CFAP299: variants seen among roughly 807,000 people sequenced by gnomAD.
CFAP299 encodes cilia and flagella associated protein 299.
In CFAP299, 21 loss-of-function variants were observed where a neutral mutation model predicts 27.0. The ratio of observed to expected loss-of-function variants is 0.78; its 90% CI spans 0.55 to 1.12. CFAP299 has a LOEUF of 1.12. CFAP299 is among the 50% of genes most tolerant of loss of function. The pLI is 0.00. For synonymous variants in CFAP299, 104 were observed against 98.1 expected, an observed-to-expected ratio of 1.06 and a Z score of -0.36; for missense variants, 310 against 276.6, an observed-to-expected ratio of 1.12 and a Z score of -0.86.
Position 80,570,015 on chromosome 4 carries a change from T to C in CFAP299, c.243-13078T>C, listed in dbSNP as rs556301534. On this transcript the variant is annotated intron_variant, in intron 2 of 5. Coordinates refer to ENST00000358105, the MANE Select transcript of CFAP299 (RefSeq NM_152770.3). ...TTTGAAAAAGAAAGGATAAGAGTTCTTTTTTTGACATCAACATTTATCATA... is the reference window on the plus strand; with the variant it reads ...TTTGAAAAAGAAAGGATAAGAGTTCCTTTTTTGACATCAACATTTATCATA... Among the ~76,000 whole-genome samples, 3 of 152,102 alleles carry C rather than the reference T, an allele frequency of 2.0e-5. No individual in the cohort carries two copies. The South Asian group carries it at 6.2e-4, about 32-fold the overall frequency.
At chr4:80,713,530 A>G (rs1722297303) in intron 3 of CFAP299, among the ~76,000 whole-genome samples, 1 of 152,240 alleles carries the variant, frequency 6.6e-6, no homozygotes, top group South Asian at 2.1e-4. Context: ...CAGTAATATC[A>G]GTGGCAACAT....
chr4:80,602,358 G>A (rs1030800898), intron 3 of CFAP299, among the ~76,000 whole-genome samples: 15 of 152,048 alleles, frequency 9.9e-5, no homozygotes, highest in African/African-American at 3.4e-4. Context: ...GCTTATCCTC[G>A]TGGCTCTAAC....
At chr4:80,328,506 G>A in the CFAP299 span, among the ~76,000 whole-genome samples, 1 of 150,668 alleles carries the variant, frequency 6.6e-6, no homozygotes, top group East Asian at 2.0e-4. Flanking sequence ...TGTGTGGGTA[G>A]GTAGGGGTGG....
At chr4:80,711,329 A>G (rs1175982331) in intron 3 of CFAP299, among the ~76,000 whole-genome samples, 1 of 152,014 alleles carries the variant, frequency 6.6e-6, no homozygotes, top group African/African-American at 2.4e-5. Context: ...GGAGCCACAG[A>G]GCTGGAGCAG....
chr4:80,845,280 T>TTG (rs1731116033), intron 3 of CFAP299, among the ~76,000 whole-genome samples: 1 of 92,136 alleles, frequency 1.1e-5, no homozygotes, highest in Non-Finnish European at 2.1e-5. Flanking sequence ...TCCCACACTG[T>TTG]TTTTTTTTTT....
At chr4:80,594,086 A>G (rs990982691) in intron 3 of CFAP299, among the ~76,000 whole-genome samples, 4 of 152,154 alleles carry the variant, frequency 2.6e-5, no homozygotes, top group African/African-American at 4.8e-5. Context: ...AGATCTTACT[A>G]TTTACACATG....
intron 3 of CFAP299, among the ~76,000 whole-genome samples, chr4:80,813,699 T>C (rs1419652859): frequency 6.6e-6 from 1 of 151,922 alleles, no homozygotes; most frequent in African/African-American, 2.4e-5. Flanking sequence ...AAATTTTGGG[T>C]GAGGAAATTA....
At chr4:80,641,547 G>T (rs576817562) in intron 3 of CFAP299, among the ~76,000 whole-genome samples, 1 of 152,252 alleles carries the variant, frequency 6.6e-6, no homozygotes, top group South Asian at 2.1e-4. Flanking sequence ...TTTAGCTGAA[G>T]ATTGCCCTAC....
chr4:80,382,214 C>T lies in CFAP299; in HGVS notation c.242+19330C>T, dbSNP rs140099404. Among the ~76,000 whole-genome samples, 115 of 152,238 alleles carry T rather than the reference C, an allele frequency of 7.6e-4. No homozygotes were observed. In the Middle Eastern group the frequency reaches 0.01, roughly 14 times the overall value. The stretch of plus-strand genomic sequence containing the variant: ...CAAAAACTATAAAAACTCTGGAAGA[C>T]AACCTAGGCAATACCATTCTGGACA... On this transcript the variant is annotated intron_variant, in intron 2 of 5. Transcript: ENST00000358105.
At chr4:80,793,610 T>C (rs1326616209) in intron 3 of CFAP299, among the ~76,000 whole-genome samples, 1 of 152,118 alleles carries the variant, frequency 6.6e-6, no homozygotes, top group Non-Finnish European at 1.5e-5. Context: ...TCATCTAACA[T>C]AGTACAACTA....
intron 2 of CFAP299, among the ~76,000 whole-genome samples, chr4:80,531,527 T>C (rs1417637358): frequency 6.6e-6 from 1 of 152,154 alleles, no homozygotes; most frequent in African/African-American, 2.4e-5. Context: ...TAAATTTCCA[T>C]CTTTTATTAT....
chr4:80,756,251 TTGAC>T (rs1423617853), intron 3 of CFAP299, among the ~76,000 whole-genome samples: 6 of 152,150 alleles, frequency 3.9e-5, no homozygotes, highest in African/African-American at 1.4e-4. Context: ...GTTTAGATGT[TTGAC>T]TGGTTACCTT....
chr4:80,587,085 T>G (rs865931908), intron 3 of CFAP299, among the ~76,000 whole-genome samples: 6 of 152,212 alleles, frequency 3.9e-5, no homozygotes, highest in African/African-American at 1.4e-4. Flanking sequence ...TGTGCTGACA[T>G]GATCTTTTCC....
chr4:80,751,297 G>T (rs1724916056), intron 3 of CFAP299, among the ~76,000 whole-genome samples: 1 of 152,162 alleles, frequency 6.6e-6, no homozygotes, highest in African/African-American at 2.4e-5. Context: ...CAGTCAGGAG[G>T]AATGGGATCA....
intron 3 of CFAP299, among the ~76,000 whole-genome samples, chr4:80,756,323 C>T (rs1461500994): frequency 6.6e-6 from 1 of 151,670 alleles, no homozygotes; most frequent in East Asian, 1.9e-4. Flanking sequence ...TTTTTCTTTC[C>T]CTAAGCATGA....
intron 3 of CFAP299, among the ~76,000 whole-genome samples, chr4:80,799,204 A>T (rs191230518): frequency 3.6e-5 from 4 of 109,798 alleles, no homozygotes; most frequent in Non-Finnish European, 5.3e-5. Flanking sequence ...TATAATATTT[A>T]TATATATATT....
intron 3 of CFAP299, among the ~76,000 whole-genome samples, chr4:80,801,860 A>C (rs993403502): frequency 7.9e-5 from 12 of 152,142 alleles, no homozygotes; most frequent in Non-Finnish European, 1.5e-4. Flanking sequence ...CTGCTTTCTC[A>C]CATTCAAGCT....
intron 3 of CFAP299, among the ~76,000 whole-genome samples, chr4:80,800,119 T>A (rs1248125317): frequency 2.0e-3 from 133 of 66,166 alleles, no homozygotes; most frequent in African/African-American, 8.6e-3. Flanking sequence ...ATATATAAGA[T>A]ATTAATATAA....
rs1733570946 is a variant in CFAP299 at position 80,879,266 on chromosome 4, CCCTA to C, written c.476+9132_476+9135del. Among the ~76,000 whole-genome samples, 12 of 152,152 alleles carry C rather than the reference CCCTA, an allele frequency of 7.9e-5. No homozygotes were observed. In the South Asian group the frequency reaches 2.5e-3, roughly 32 times the overall value. ...GGTCCAACATTAGCAACTTCAGTAG[CCCTA>C]TAAGTCTAGTGATAATTGGAAATCT... On this transcript the variant is annotated intron_variant, in intron 4 of 5. Coordinates refer to ENST00000358105, the MANE Select transcript of CFAP299 (RefSeq NM_152770.3).
Sources: allele counts gnomAD v4.1 joint callset (sites outside exome capture counted in the v4.1 genomes callset), GRCh38; gene constraint gnomAD v4.1.1; transcripts MANE v1.5; gene names NCBI Gene and HGNC (gene_info 2026-07-23, HGNC 2026-07-21).